AK2: variants seen among roughly 807,000 people sequenced by gnomAD.
The protein encoded by AK2 is adenylate kinase 2.
Under a neutral mutation model 24.6 loss-of-function variants are expected in AK2, and 15 were observed. The observed-to-expected ratio is 0.61, with a 90% CI of 0.41 to 0.94. The LOEUF is 0.94. AK2 is among the 40% of genes least tolerant of loss of function. The pLI is 0.00. For missense variants in AK2, 257 were observed against 304.1 expected (o/e 0.85, Z 1.15); for synonymous variants, 102 against 114.0 (o/e 0.90, Z 0.67).
rs1638847418 is a variant in AK2, at chr1:33,011,955, GGAGA to G, written c.*1222_*1225del. 3 of 1,534,222 alleles carry G rather than the reference GGAGA, an allele frequency of 2.0e-6. No individual in the cohort carries two copies. Among genetic ancestry groups the G allele is most frequent in the Non-Finnish European group, 2.6e-6 (3 of 1,146,418 alleles). On this transcript the variant is annotated 3_prime_UTR_variant, in exon 6 of 6. Coordinates refer to ENST00000672715, the MANE Select transcript of AK2 (RefSeq NM_001625.4). ...ATATCTGATTTCAGTTTTATGTCCT[GGAGA>G]GAGACTGGGTTTGAATAAATACTGA...
intron 2 of AK2, chr1:33,024,048 G>C: frequency 3.8e-6 from 1 of 261,306 alleles, no homozygotes; most frequent in South Asian, 3.9e-5. Context: ...GCAGGTGCCT[G>C]TAATCCTAGC....
Position 33,036,863 on chromosome 1 carries a change from C to A in AK2, c.-35G>T. ...AGTCTCTCACTGCCACCAGTTCGCACGCCTCACAGGTCCAGTGCTTCCCAG... is the reference window on the plus strand; with the variant it reads ...AGTCTCTCACTGCCACCAGTTCGCAAGCCTCACAGGTCCAGTGCTTCCCAG... On this transcript the variant is annotated 5_prime_UTR_variant, in exon 1 of 6. Coordinates refer to ENST00000672715, the MANE Select transcript of AK2 (RefSeq NM_001625.4). The A allele has an allele frequency of 6.5e-7, 1 of 1,541,100 alleles. No individual in the cohort carries two copies. The highest frequency in any genetic ancestry group is 8.8e-7 in the Non-Finnish European group (1 of 1,133,992).
chr1:33,024,044 G>A (rs10914646), intron 2 of AK2: 57,983 of 249,208 alleles, frequency 0.23, 7,975 homozygotes, highest in Admixed American at 0.37. Flanking sequence ...GGTGGCAGGT[G>A]CCTGTAATCC....
chr1:33,028,312 T>C (rs904050726), intron 1 of AK2, among the ~76,000 whole-genome samples: 5 of 152,080 alleles, frequency 3.3e-5, no homozygotes, highest in African/African-American at 1.2e-4. Flanking sequence ...AAGACCAGCA[T>C]GACCAACATG....
Position 33,024,559 on chromosome 1 carries a change from T to A in AK2, c.102A>T (p.Arg34Ser). 1 of 1,614,146 alleles carries A rather than the reference T, an allele frequency of 6.2e-7. No individual in the cohort carries two copies. Among genetic ancestry groups the A allele is most frequent in the Non-Finnish European group, 8.5e-7 (1 of 1,179,998 alleles). ...GGCAGACACAGAAGTTTTCAGCCAA[T>A]CTGGGTGCCTACAGAGAGGAAGACA... ...PGAGKGTQAP[R>S]LAENFCVCHL... Residue 34 changes from arginine (R) to serine (S), a missense_variant, in exon 2 of 6, where the codon AGA (arginine) becomes AGT (serine). Arg to Ser is a moderately radical substitution (Grantham distance 110). Transcript: ENST00000672715.
chr1:33,025,608 T>G (rs979619089), intron 1 of AK2, among the ~76,000 whole-genome samples: 15 of 152,338 alleles, frequency 9.8e-5, no homozygotes, highest in South Asian at 2.1e-4. Flanking sequence ...ATTATAGTGT[T>G]TTGGTCAAGA....
chr1:33,031,473 C>T (rs1640229888), intron 1 of AK2: 1 of 412,016 alleles, frequency 2.4e-6, no homozygotes, highest in Non-Finnish European at 4.9e-6. Context: ...TGTCACGTAA[C>T]TGAGCAATGG....
intron 1 of AK2, among the ~76,000 whole-genome samples, chr1:33,034,962 G>A (rs1193647658): frequency 2.0e-5 from 3 of 152,014 alleles, no homozygotes; most frequent in Admixed American, 6.6e-5. Flanking sequence ...TGAGGTGGGA[G>A]GATTGCTTGA....
intron 1 of AK2, among the ~76,000 whole-genome samples, chr1:33,027,747 C>CAA (rs1157782051): frequency 3.2e-5 from 2 of 62,096 alleles, no homozygotes; most frequent in African/African-American, 1.2e-4. Flanking sequence ...ACTCTTGTCT[C>CAA]AAAAAAAAAA....
At chr1:33,034,866 T>C (rs1640481959) in intron 1 of AK2, among the ~76,000 whole-genome samples, 1 of 152,058 alleles carries the variant, frequency 6.6e-6, no homozygotes, top group African/African-American at 2.4e-5. Context: ...CTGGGCAACA[T>C]AGCAAGACCC....
Position 33,010,190 on chromosome 1 carries a change from A to C in AK2, c.*2991T>G, listed in dbSNP as rs6884. On this transcript the variant is annotated 3_prime_UTR_variant, in exon 6 of 6. Coordinates refer to ENST00000672715, the MANE Select transcript of AK2 (RefSeq NM_001625.4). ...GGTAGCTGTGAGAGGTTACTCATGA[A>C]AGTAGGTAGCCTAGTAAATTAGTGG... 1 of 450,132 alleles carries C rather than the reference A, an allele frequency of 2.2e-6. No homozygotes were observed. The highest frequency in any genetic ancestry group is 4.5e-6 in the Non-Finnish European group (1 of 224,714). 27.9% of individuals were successfully genotyped at this position (450,132 alleles called of 1,614,324 possible).
At position 33,009,971 on chromosome 1, in the gene AK2, G is replaced by A. The variant is rs544586758; in HGVS notation, c.*3210C>T. The A allele has an allele frequency of 5.1e-5, 23 of 454,590 alleles. No individual in the cohort carries two copies. The highest frequency in any genetic ancestry group is 4.4e-4 in the African/African-American group (22 of 50,136). The allele number at this position is 454,590 out of a possible 1,614,324, so 28.2% of individuals were successfully genotyped here. A position where few individuals can be genotyped will look rare whatever the true frequency, so the allele number is the denominator to read the frequency against. On this transcript the variant is annotated 3_prime_UTR_variant, in exon 6 of 6. Transcript: ENST00000672715. ...TTAGGGGCCAAACAAGGCAGCATTT[G>A]GTCAGTTAAGAAAGGCACCTCATTG...
chr1:33,011,428 CAG>C lies in AK2; in HGVS notation c.*1751_*1752del, dbSNP rs1638812402. On this transcript the variant is annotated 3_prime_UTR_variant, in exon 6 of 6. Coordinates refer to ENST00000672715, the MANE Select transcript of AK2 (RefSeq NM_001625.4). ...TTAGAGCCAGGAAAACAAGGCAGGA[CAG>C]AGGCAGCAGACACTCACTTGGACCA... 7.8e-7 allele frequency: 1 copy of C among 1,287,178 alleles called. No homozygotes were observed. The allele number at this position is 1,287,178 out of a possible 1,614,324, so 79.7% of individuals were successfully genotyped here.
intron 5 of AK2, among the ~76,000 whole-genome samples, chr1:33,013,631 A>G (rs1638991370): frequency 6.6e-6 from 1 of 152,148 alleles, no homozygotes; most frequent in East Asian, 1.9e-4. Context: ...AGAAACACCA[A>G]CTGTGAGGAA....
At chr1:33,018,291 T>C (rs1569617981) in intron 4 of AK2, among the ~76,000 whole-genome samples, 1 of 152,126 alleles carries the variant, frequency 6.6e-6, no homozygotes, top group African/African-American at 2.4e-5. Flanking sequence ...CAGAAGATTG[T>C]TACAATGGGT....
intron 4 of AK2, chr1:33,019,758 C>A: frequency 9.6e-7 from 1 of 1,044,282 alleles, no homozygotes; most frequent in South Asian, 3.8e-5. Flanking sequence ...TTCCCTAATC[C>A]AAAAATTTAC....
At chr1:33,032,584 C>T (rs1640306485) in intron 1 of AK2, 1 of 152,102 alleles carries the variant, frequency 6.6e-6, no homozygotes, top group Non-Finnish European at 1.5e-5. Context: ...TAGAATACCA[C>T]CATTTCACCA....
At chr1:33,013,721 T>C (rs1019488490) in intron 5 of AK2, among the ~76,000 whole-genome samples, 1 of 152,166 alleles carries the variant, frequency 6.6e-6, no homozygotes, top group African/African-American at 2.4e-5. Flanking sequence ...TAAACACTTC[T>C]AGGGTCAAAA....
Position 33,012,140 on chromosome 1 carries a change from A to C in AK2, c.*1041T>G. The C allele has an allele frequency of 6.5e-7, 1 of 1,535,464 alleles. No individual in the cohort carries two copies. Among genetic ancestry groups the C allele is most frequent in the Non-Finnish European group, 8.7e-7 (1 of 1,146,714 alleles). ...TGATCAGCCTGGATGTTCAGAAGAC[A>C]ATCTGAATTCAAAAGGACCTTTCAC... is the stretch of plus-strand genomic sequence containing the variant. On this transcript the variant is annotated 3_prime_UTR_variant, in exon 6 of 6. Transcript: ENST00000672715.
Sources: allele counts gnomAD v4.1 joint callset (sites outside exome capture counted in the v4.1 genomes callset), GRCh38; gene constraint gnomAD v4.1.1; transcripts MANE v1.5; gene names NCBI Gene and HGNC (gene_info 2026-07-23, HGNC 2026-07-21).